The following DLGAP1 variants were observed in gnomAD, a reference collection of about 807,000 sequenced individuals.
DLGAP1 encodes disks large-associated protein 1.
In DLGAP1, 11 loss-of-function variants were observed where a neutral mutation model predicts 90.8. The observed-to-expected ratio is 0.12, with a 90% CI of 0.08 to 0.20. The LOEUF (loss-of-function observed/expected upper bound fraction) is 0.20, where lower values mean the gene tolerates loss of function less well. DLGAP1 is among the 10% of genes least tolerant of loss of function. DLGAP1 has a pLI of 1.00. For missense variants in DLGAP1, 1,050 were observed against 1,333.8 expected (o/e 0.79, Z 3.31); for synonymous variants, 558 against 540.7 (o/e 1.03, Z -0.44).
At chr18:3,923,158 A>G (rs1485567393) in intron 3 of DLGAP1, among the ~76,000 whole-genome samples, 2 of 145,552 alleles carry the variant, frequency 1.4e-5, no homozygotes, top group Admixed American at 6.9e-5. Context: ...AAAAAAAAGC[A>G]CTAATTTTGC....
At chr18:4,347,616 C>T (rs903696101) in intron 1 of DLGAP1, among the ~76,000 whole-genome samples, 1 of 152,064 alleles carries the variant, frequency 6.6e-6, no homozygotes, top group Admixed American at 6.5e-5. Context: ...TGAAATTCAA[C>T]ATTCACTCAT....
chr18:3,902,532 T>A (rs892683594), intron 3 of DLGAP1, among the ~76,000 whole-genome samples: 11 of 152,150 alleles, frequency 7.2e-5, no homozygotes, highest in African/African-American at 2.4e-4. Context: ...TTCTTTCAAT[T>A]TCTATAAGTT....
intron 5 of DLGAP1, among the ~76,000 whole-genome samples, chr18:3,789,036 C>A (rs892589916): frequency 2.6e-5 from 4 of 152,188 alleles, no homozygotes; most frequent in South Asian, 2.1e-4. Context: ...TAATTTAGCA[C>A]GTACTCTGTG....
At chr18:3,970,690 T>C (rs2073428279) in intron 3 of DLGAP1, among the ~76,000 whole-genome samples, 1 of 152,196 alleles carries the variant, frequency 6.6e-6, no homozygotes, top group African/African-American at 2.4e-5. Context: ...AATCAATTAA[T>C]TCTCAAACAG....
At chr18:4,416,616 C>G (rs1210602742) in intron 1 of DLGAP1, among the ~76,000 whole-genome samples, 1 of 152,172 alleles carries the variant, frequency 6.6e-6, no homozygotes, top group African/African-American at 2.4e-5. Context: ...AGGCAAAGCT[C>G]ATCTAACTTT....
intron 1 of DLGAP1, among the ~76,000 whole-genome samples, chr18:4,346,342 C>T (rs571761784): frequency 2.1e-4 from 32 of 152,122 alleles, no homozygotes; most frequent in African/African-American, 4.8e-4. Context: ...GCAAGCTATG[C>T]ACATCCTCTG....
Position 3,600,749 on chromosome 18 carries a change from T to TATATAG in DLGAP1, c.1592-18502_1592-18501insCTATAT, listed in dbSNP as rs1568277663. ...ATATAGATATATATAGATATATAGA[T>TATATAG]ATATATAGATATATAGATATATATA... On this transcript the variant is annotated intron_variant, in intron 7 of 12. Coordinates refer to ENST00000315677, the MANE Select transcript of DLGAP1 (RefSeq NM_004746.4). 6.7e-3 allele frequency among the ~76,000 whole-genome samples: 87 copies of TATATAG among 12,910 alleles called. 12 individuals are homozygous for TATATAG. Among genetic ancestry groups the TATATAG allele is most frequent in the African/African-American group, 0.021 (62 of 3,008 alleles). The allele number at this position is 12,910 out of a possible 152,430, so 8.5% of individuals were successfully genotyped here.
At chr18:3,591,354 A>C (rs2056234036) in intron 7 of DLGAP1, among the ~76,000 whole-genome samples, 1 of 152,142 alleles carries the variant, frequency 6.6e-6, no homozygotes, top group African/African-American at 2.4e-5. Flanking sequence ...TTGTAATGTC[A>C]GGTAAGGTGT....
chr18:3,517,953 C>G lies in DLGAP1; in HGVS notation c.2480-9292G>C, dbSNP rs2050946054. Among the ~76,000 whole-genome samples, 1 of 152,198 alleles carries G rather than the reference C, an allele frequency of 6.6e-6. No homozygotes were observed. Among genetic ancestry groups the G allele is most frequent in the South Asian group, 2.1e-4 (1 of 4,832 alleles). On this transcript the variant is annotated intron_variant, in intron 10 of 12. Transcript: ENST00000315677. The surrounding 1 kb of genome is among the most constrained non-coding windows in gnomAD (Gnocchi z 4.1). ...TATCAACAAAAAGGCTGTTTCGCTT[C>G]CTTATCATTTGTATGTTCACTTGGG...
At chr18:4,212,129 A>G (rs945307590) in intron 1 of DLGAP1, among the ~76,000 whole-genome samples, 1 of 152,124 alleles carries the variant, frequency 6.6e-6, no homozygotes, top group African/African-American at 2.4e-5. Context: ...CAAATTGTAC[A>G]TTACTTAACT....
intron 1 of DLGAP1, among the ~76,000 whole-genome samples, chr18:4,336,974 C>T (rs2081081627): frequency 2.0e-5 from 3 of 148,240 alleles, no homozygotes; most frequent in South Asian, 4.3e-4. Context: ...ATTAGCCGGG[C>T]GTGGTGGCTG....
intron 1 of DLGAP1, among the ~76,000 whole-genome samples, chr18:4,439,196 C>T (rs1039914182): frequency 2.0e-5 from 3 of 152,224 alleles, no homozygotes; most frequent in African/African-American, 4.8e-5. Flanking sequence ...TTCTTTCTCA[C>T]TAGCCCATGA....
At chr18:3,903,481 T>C (rs2071829617) in intron 3 of DLGAP1, among the ~76,000 whole-genome samples, 1 of 152,232 alleles carries the variant, frequency 6.6e-6, no homozygotes, top group South Asian at 2.1e-4. Flanking sequence ...TGGATTTACG[T>C]ATGACTAGCA....
chr18:3,751,469 A>AT (rs1033836241), intron 5 of DLGAP1, among the ~76,000 whole-genome samples: 38 of 150,484 alleles, frequency 2.5e-4, no homozygotes, highest in African/African-American at 7.3e-4. Flanking sequence ...GCTAATTAAA[A>AT]TTTTTTTTTG....
chr18:3,657,032 C>A lies in DLGAP1; in HGVS notation c.1591+72103G>T, dbSNP rs577279096. Among the ~76,000 whole-genome samples, 6 of 152,282 alleles carry A rather than the reference C, an allele frequency of 3.9e-5. No individual in the cohort carries two copies. The South Asian group carries it at 1.0e-3, about 26-fold the overall frequency. On this transcript the variant is annotated intron_variant, in intron 7 of 12. Transcript: ENST00000315677. Reference sequence around the variant, plus strand: ...AAGTGCTGGGATTACAGGCGTGAGCCACCACATTTGGCTTTTCGGTGAATT... The same window carrying A: ...AAGTGCTGGGATTACAGGCGTGAGCAACCACATTTGGCTTTTCGGTGAATT...
chr18:3,576,072 A>G (rs2055109891), intron 8 of DLGAP1, among the ~76,000 whole-genome samples: 1 of 152,190 alleles, frequency 6.6e-6, no homozygotes, highest in East Asian at 1.9e-4. Flanking sequence ...CCCATCTTCT[A>G]CATTTAGCTG....
chr18:3,794,210 T>C (rs187717660), intron 5 of DLGAP1, among the ~76,000 whole-genome samples: 102 of 152,296 alleles, frequency 6.7e-4, no homozygotes, highest in Admixed American at 1.2e-3. Context: ...GACTCTCCTG[T>C]TTGGCTGCAC....
Position 3,814,283 on chromosome 18 carries a change from T to C in DLGAP1, c.958-10A>G, listed in dbSNP as rs956756846. On this transcript the variant is annotated splice_polypyrimidine_tract_variant and intron_variant, in intron 4 of 12. Transcript: ENST00000315677. ...ATTCATCTTGTGGAACCTATTCAGA[T>C]AGAAAACAGATAAATCACTTTTTAT... is the stretch of plus-strand genomic sequence containing the variant. 5 of 1,610,486 alleles carry C rather than the reference T, an allele frequency of 3.1e-6. No homozygotes were observed. The highest frequency in any genetic ancestry group is 1.3e-5 in the African/African-American group (1 of 74,844).
intron 1 of DLGAP1, among the ~76,000 whole-genome samples, chr18:4,208,281 T>C (rs2077763244): frequency 6.6e-6 from 1 of 152,216 alleles, no homozygotes; most frequent in South Asian, 2.1e-4. Context: ...AGAAAAAATA[T>C]TATAAATTGT....
Sources: allele counts gnomAD v4.1 joint callset (sites outside exome capture counted in the v4.1 genomes callset), GRCh38; gene constraint gnomAD v4.1.1; non-coding constraint Gnocchi (gnomAD v3.1); transcripts MANE v1.5; gene names NCBI Gene and HGNC (gene_info 2026-07-23, HGNC 2026-07-21).